Variants in TMPRSS12 observed in about 807,000 individuals in gnomAD.
TMPRSS12 encodes transmembrane protease serine 12.
In TMPRSS12, 25 loss-of-function variants were observed where a neutral mutation model predicts 26.0. The observed-to-expected ratio is 0.96, with a 90% CI of 0.70 to 1.34. The LOEUF is 1.34. Among genes scored for constraint, TMPRSS12 ranks in the 40% most tolerant of loss-of-function variants. The probability of loss-of-function intolerance (pLI) is 0.00; values close to 1 mark genes in which losing one functional copy is unlikely to be tolerated. For missense variants in TMPRSS12, 441 were observed against 440.1 expected, an observed-to-expected ratio of 1.00 and a Z score of -0.02; for synonymous variants, 150 against 161.7, an observed-to-expected ratio of 0.93 and a Z score of 0.55.
Position 50,843,161 on chromosome 12 carries a change from G to A in TMPRSS12, c.187+10G>A. On this transcript the variant is annotated intron_variant, in intron 1 of 4. Coordinates refer to ENST00000398458, the MANE Select transcript of TMPRSS12 (RefSeq NM_182559.3). Reference sequence around the variant, plus strand: ...GGGGCGCATGCAGAGGGCAGTACCTGTTCGTGCCTGTCTCTGGGGAGCCTC... The same window carrying A: ...GGGGCGCATGCAGAGGGCAGTACCTATTCGTGCCTGTCTCTGGGGAGCCTC... 1 of 1,545,520 alleles carries A rather than the reference G, an allele frequency of 6.5e-7. No homozygotes were observed. Among genetic ancestry groups the A allele is most frequent in the Non-Finnish European group, 8.7e-7 (1 of 1,143,198 alleles).
At chr12:50,865,917 A>G (rs539922611) in intron 3 of TMPRSS12, among the ~76,000 whole-genome samples, 1 of 152,268 alleles carries the variant, frequency 6.6e-6, no homozygotes, top group Non-Finnish European at 1.5e-5. Flanking sequence ...GCTTGAGTAC[A>G]GACTGCAGAA....
At chr12:50,880,962 A>ATTTT (rs1443301507) in intron 3 of TMPRSS12, among the ~76,000 whole-genome samples, 2 of 99,162 alleles carry the variant, frequency 2.0e-5, no homozygotes, top group Admixed American at 1.2e-4. Context: ...GGAATCAGTA[A>ATTTT]TTTCTTTTTT....
intron 2 of TMPRSS12, among the ~76,000 whole-genome samples, chr12:50,854,933 C>T (rs930589199): frequency 6.6e-6 from 1 of 152,170 alleles, no homozygotes; most frequent in Admixed American, 6.6e-5. Context: ...AAATTACCGA[C>T]AACATTTTAC....
At chr12:50,858,407 T>C (rs1346874539) in intron 2 of TMPRSS12, among the ~76,000 whole-genome samples, 1 of 152,234 alleles carries the variant, frequency 6.6e-6, no homozygotes, top group African/African-American at 2.4e-5. Context: ...TTTGTACATT[T>C]AAATATTTAA....
At chr12:50,855,433 T>G (rs890007958) in intron 2 of TMPRSS12, among the ~76,000 whole-genome samples, 6 of 152,040 alleles carry the variant, frequency 3.9e-5, no homozygotes, top group Non-Finnish European at 7.4e-5. Flanking sequence ...GACATACATA[T>G]GGCCAAGAAA....
At chr12:50,851,341 A>C (rs548190820) in intron 2 of TMPRSS12, among the ~76,000 whole-genome samples, 2 of 152,212 alleles carry the variant, frequency 1.3e-5, no homozygotes, top group Non-Finnish European at 2.9e-5. Flanking sequence ...TGAAAGATGA[A>C]ACAGCCATTT....
intron 2 of TMPRSS12, among the ~76,000 whole-genome samples, chr12:50,846,322 T>TATC (rs1473777409): frequency 6.6e-6 from 1 of 152,164 alleles, no homozygotes; most frequent in Non-Finnish European, 1.5e-5. Context: ...TTGCATAAGG[T>TATC]ATCAGGTAAG....
chr12:50,885,758 C>T (rs1938219984), intron 4 of TMPRSS12: 13 of 453,396 alleles, frequency 2.9e-5, no homozygotes, highest in African/African-American at 4.1e-5. Context: ...CAGGTTCAAG[C>T]GATTCTCATC....
At chr12:50,866,775 C>T (rs980256967) in intron 3 of TMPRSS12, among the ~76,000 whole-genome samples, 6 of 152,100 alleles carry the variant, frequency 3.9e-5, no homozygotes, top group South Asian at 2.1e-4. Flanking sequence ...TATTCACGGC[C>T]GAGAGACCCA....
intron 2 of TMPRSS12, among the ~76,000 whole-genome samples, chr12:50,852,262 C>T (rs569273345): frequency 4.6e-5 from 7 of 152,278 alleles, no homozygotes; most frequent in African/African-American, 1.7e-4. Flanking sequence ...GGATAAAAAA[C>T]AAGACCCACC....
At chr12:50,874,210 C>G (rs1938092581) in intron 3 of TMPRSS12, among the ~76,000 whole-genome samples, 1 of 151,974 alleles carries the variant, frequency 6.6e-6, no homozygotes, top group South Asian at 2.1e-4. Flanking sequence ...GAGTATTTCC[C>G]AGATAATTAT....
intron 2 of TMPRSS12, among the ~76,000 whole-genome samples, chr12:50,852,044 A>C (rs1366236814): frequency 6.6e-6 from 1 of 152,244 alleles, no homozygotes; most frequent in East Asian, 1.9e-4. Context: ...GAGATCCTTA[A>C]GTGAGTACTA....
chr12:50,875,097 G>A (rs756552386), intron 3 of TMPRSS12, among the ~76,000 whole-genome samples: 12 of 152,148 alleles, frequency 7.9e-5, no homozygotes, highest in African/African-American at 2.2e-4. Flanking sequence ...TTTCTAAAAT[G>A]TATATGGAAC....
intron 3 of TMPRSS12, among the ~76,000 whole-genome samples, 151 bp downstream of exon 3, chr12:50,859,204 G>A (rs1449853495): frequency 5.4e-5 from 8 of 149,248 alleles, no homozygotes. Context: ...TTATTTTTCC[G>A]TATTTTTATG....
chr12:50,885,427 G>C, intron 4 of TMPRSS12, 39 bp downstream of exon 4: 1 of 1,612,618 alleles, frequency 6.2e-7, no homozygotes, highest in Non-Finnish European at 8.5e-7. Flanking sequence ...ATTTTCTGAA[G>C]CCAGAAGGGA....
chr12:50,869,756 T>C (rs1938024398), intron 3 of TMPRSS12, among the ~76,000 whole-genome samples: 1 of 151,934 alleles, frequency 6.6e-6, no homozygotes, highest in African/African-American at 2.4e-5. Flanking sequence ...CATAACAAAA[T>C]ACTAGTTAAC....
intron 2 of TMPRSS12, among the ~76,000 whole-genome samples, chr12:50,849,361 T>G (rs1937803060): frequency 6.6e-6 from 1 of 152,248 alleles, no homozygotes; most frequent in African/African-American, 2.4e-5. Context: ...GTTTTCTCAC[T>G]TATGCACTTA....
At chr12:50,847,648 CA>C (rs1180216205) in intron 2 of TMPRSS12, among the ~76,000 whole-genome samples, 1 of 151,898 alleles carries the variant, frequency 6.6e-6, no homozygotes, top group Non-Finnish European at 1.5e-5. Flanking sequence ...GTAATCCCAG[CA>C]CTTTGGGAGG....
At chr12:50,880,233 C>T (rs891464352) in intron 3 of TMPRSS12, among the ~76,000 whole-genome samples, 4 of 151,442 alleles carry the variant, frequency 2.6e-5, no homozygotes, top group African/African-American at 4.9e-5. Flanking sequence ...CTCATTGCTA[C>T]AAAAATTAGC....
Sources: gnomAD v4.1 joint callset for allele counts (sites outside exome capture counted in the v4.1 genomes callset) on GRCh38, gnomAD v4.1.1 for gene constraint, MANE v1.5 for transcripts, NCBI Gene and HGNC (gene_info 2026-07-23, HGNC 2026-07-21) for gene names.